Variants in RYR2 observed in about 807,000 individuals in gnomAD.
RYR2 encodes the protein cardiac muscle ryanodine receptor-calcium release channel.
Under a neutral mutation model 601.1 loss-of-function variants are expected in RYR2, and 227 were observed. That is an observed-to-expected ratio of 0.38 (90% CI 0.34 to 0.42). The LOEUF is 0.42. RYR2 is among the 10% of genes least tolerant of loss of function. The pLI is 1.00. For synonymous variants in RYR2, 2,223 were observed against 2,175.1 expected (o/e 1.02, Z -0.61); for missense variants, 4,646 against 6,156.5 (o/e 0.75, Z 8.21).
At position 237,286,985 on chromosome 1, in the gene RYR2, TC is replaced by T. The variant is rs1196097382; in HGVS notation, c.168+16371del. Among the ~76,000 whole-genome samples the T allele has an allele frequency of 3.3e-5, 5 of 152,216 alleles. No homozygotes were observed. In the East Asian group the frequency reaches 7.7e-4, roughly 23 times the overall value. On this transcript the variant is annotated intron_variant, in intron 2 of 104. Coordinates refer to ENST00000366574, the MANE Select transcript of RYR2 (RefSeq NM_001035.3). The stretch of plus-strand genomic sequence containing the variant: ...CAGGATTTGTTTCAAGATTCTGAGC[TC>T]CTTTTAGCAGTTCTTGTAGTGGTGG...
At chr1:237,127,946 G>C (rs1318908400) in intron 1 of RYR2, among the ~76,000 whole-genome samples, 1 of 152,172 alleles carries the variant, frequency 6.6e-6, no homozygotes, top group East Asian at 1.9e-4. Flanking sequence ...GACGATGGGC[G>C]GCCAGGCAGA....
intron 87 of RYR2, 103 bp from the exon 88 acceptor site, chr1:237,778,563 T>C (rs1694847882): frequency 1.9e-6 from 1 of 533,358 alleles, no homozygotes; most frequent in East Asian, 2.9e-5. Context: ...GTGCTAGCAG[T>C]GAAATATATC....
In RYR2 at chr1:237,650,026, A is replaced by G. The variant is rs1297627543; in HGVS notation, c.7662A>G (p.Arg2554=). 6.2e-7 allele frequency: 1 copy of G among 1,614,014 alleles called. No homozygotes were observed. The highest frequency in any genetic ancestry group is 2.2e-5 in the East Asian group (1 of 44,886). The change falls in exon 50 of 105, where the codon AGA becomes AGG. Residue 2554 remains arginine, a synonymous_variant. Transcript: ENST00000366574. ...LIDSLLHTVY[R]LSKGCSLTKA... ...ACTCATTACTTCATACTGTGTATAG[A>G]CTTTCTAAGGGCTGTTCACTTACCA...
chr1:237,721,092 T>G (rs1689683677), intron 73 of RYR2, among the ~76,000 whole-genome samples: 1 of 152,202 alleles, frequency 6.6e-6, no homozygotes, highest in African/African-American at 2.4e-5. Context: ...ATGAATTTTT[T>G]TATTCCTAAC....
chr1:237,521,135 C>A (rs552776165), intron 24 of RYR2, among the ~76,000 whole-genome samples: 1 of 149,328 alleles, frequency 6.7e-6, no homozygotes, highest in African/African-American at 2.5e-5. Flanking sequence ...ATACATAGAA[C>A]TAATATCAAT....
At chr1:237,246,070 A>C (rs268781) in intron 1 of RYR2, among the ~76,000 whole-genome samples, 6 of 148,110 alleles carry the variant, frequency 4.1e-5, no homozygotes, top group Non-Finnish European at 8.9e-5. Context: ...GTGAGCCACC[A>C]CACCTGGCTG....
At chr1:237,322,464 A>G (rs1466110955) in intron 2 of RYR2, among the ~76,000 whole-genome samples, 1 of 152,184 alleles carries the variant, frequency 6.6e-6, no homozygotes, top group Admixed American at 6.5e-5. Context: ...GGCAAAGGTC[A>G]TATTCCAGAC....
Position 237,784,387 on chromosome 1 carries a change from G to T in RYR2, c.12675G>T (p.Arg4225Ser), listed in dbSNP as rs1695378433. 6.2e-7 allele frequency: 1 copy of T among 1,613,968 alleles called. No individual in the cohort carries two copies. The highest frequency in any genetic ancestry group is 8.5e-7 in the Non-Finnish European group (1 of 1,179,882). The change falls in exon 90 of 105, where the codon AGG (arginine) becomes AGT (serine). Residue 4225 changes from arginine to serine, a missense_variant. Around this residue, in one of 17 missense-constraint regions of RYR2, gnomAD observed 364 missense variants for 442.9 expected, o/e 0.82. Coordinates refer to ENST00000366574, the MANE Select transcript of RYR2 (RefSeq NM_001035.3). The surrounding 1 kb of genome is among the most constrained non-coding windows in gnomAD (Gnocchi z 7.1). ...SANKEESEKE[R>S]PEEQGPRMAF... ...ATAAGGAAGAAAGCGAGAAGGAGAGGCCGGAAGAGCAGGGGCCGAGGATGG... is the reference window on the plus strand; with the variant it reads ...ATAAGGAAGAAAGCGAGAAGGAGAGTCCGGAAGAGCAGGGGCCGAGGATGG...
chr1:237,735,199 C>T (rs1206639493), intron 79 of RYR2, among the ~76,000 whole-genome samples: 4 of 151,970 alleles, frequency 2.6e-5, no homozygotes, highest in African/African-American at 9.7e-5. Context: ...ACAGCTTCTG[C>T]GGTTTGTGGA....
chr1:237,632,503 T>C (rs985547797), intron 42 of RYR2, among the ~76,000 whole-genome samples: 2 of 151,056 alleles, frequency 1.3e-5, no homozygotes, highest in Non-Finnish European at 2.9e-5. Flanking sequence ...CACTACATTC[T>C]CCTTCCTCAG....
chr1:237,245,432 T>C (rs1312405416), intron 1 of RYR2, among the ~76,000 whole-genome samples: 1 of 152,120 alleles, frequency 6.6e-6, no homozygotes, highest in East Asian at 1.9e-4. Flanking sequence ...TGTAAGTTTA[T>C]GTTTGTCAGG....
intron 3 of RYR2, among the ~76,000 whole-genome samples, chr1:237,335,862 T>C (rs1697197133): frequency 6.6e-6 from 1 of 152,226 alleles, no homozygotes; most frequent in Non-Finnish European, 1.5e-5. Flanking sequence ...ATGTAAGTTA[T>C]GGATGATACT....
chr1:237,066,859 G>T (rs1003940361), intron 1 of RYR2, among the ~76,000 whole-genome samples: 1 of 151,944 alleles, frequency 6.6e-6, no homozygotes, highest in African/African-American at 2.4e-5. Flanking sequence ...GGATGGTCTC[G>T]ATCTCCTGAC....
intron 3 of RYR2, among the ~76,000 whole-genome samples, chr1:237,347,532 A>G (rs1417051966): frequency 6.6e-6 from 1 of 152,190 alleles, no homozygotes; most frequent in Non-Finnish European, 1.5e-5. Context: ...GTTTGACGAC[A>G]TACTTAACAA....
intron 1 of RYR2, among the ~76,000 whole-genome samples, chr1:237,162,058 A>G (rs1379842286): frequency 2.0e-5 from 3 of 152,182 alleles, no homozygotes; most frequent in Admixed American, 1.3e-4. Context: ...ATTAAAACAA[A>G]ATAATATTCT....
intron 24 of RYR2, among the ~76,000 whole-genome samples, chr1:237,512,919 G>T (rs1246386933): frequency 6.6e-6 from 1 of 152,146 alleles, no homozygotes; most frequent in Non-Finnish European, 1.5e-5. Flanking sequence ...GAGTCTTACT[G>T]TGTTGCCCAG....
chr1:237,581,319 C>T (rs1673895180), intron 29 of RYR2, among the ~76,000 whole-genome samples: 1 of 152,066 alleles, frequency 6.6e-6, no homozygotes, highest in Non-Finnish European at 1.5e-5. Flanking sequence ...ATAATCAAAT[C>T]CAGAAACAAT....
rs774798390 is a variant in RYR2, at chr1:237,589,994, A to G, written c.3800A>G (p.His1267Arg). Reference sequence around the variant, plus strand: ...CTTCAAGTTCCATCAAACCATGAACATATAGAGGTTTGCTTTTTCTTTAAA... The same window carrying G: ...CTTCAAGTTCCATCAAACCATGAACGTATAGAGGTTTGCTTTTTCTTTAAA... The part of the protein sequence containing the change: ...QFLQVPSNHE[H>R]IEVTRIDGTI... Residue 1267 changes from histidine to arginine, a missense_variant, in exon 30 of 105, where the codon CAT becomes CGT. Coordinates refer to ENST00000366574, the MANE Select transcript of RYR2 (RefSeq NM_001035.3). 6.2e-6 allele frequency: 10 copies of G among 1,610,974 alleles called. No homozygotes were observed. Among genetic ancestry groups the G allele is most frequent in the African/African-American group, 1.3e-5 (1 of 74,804 alleles).
chr1:237,064,614 A>G (rs903122554), intron 1 of RYR2, among the ~76,000 whole-genome samples: 26 of 152,138 alleles, frequency 1.7e-4, no homozygotes, highest in African/African-American at 6.0e-4. Flanking sequence ...GGTAGGTAGC[A>G]TCCAGGCACA....
Sources: gnomAD v4.1 joint callset for allele counts (sites outside exome capture counted in the v4.1 genomes callset) on GRCh38, gnomAD v4.1.1 for gene constraint, gnomAD v4.1.1 regional missense constraint, Gnocchi (gnomAD v3.1) non-coding constraint, MANE v1.5 for transcripts, NCBI Gene and HGNC (gene_info 2026-07-23, HGNC 2026-07-21) for gene names.